Variants in TG observed in about 807,000 individuals in gnomAD.
The protein encoded by TG is thyroglobulin.
A neutral mutation model predicts 324.7 loss-of-function variants in TG; 270 were observed. The observed-to-expected ratio is 0.83, with a 90% CI of 0.75 to 0.92. The LOEUF is 0.92. Among genes scored for constraint, TG ranks in the 40% least tolerant of loss-of-function variants. TG has a pLI of 0.00. For missense variants in TG, 3,591 were observed against 3,456.4 expected, an observed-to-expected ratio of 1.04 and a Z score of -0.98; for synonymous variants, 1,401 against 1,327.0, an observed-to-expected ratio of 1.06 and a Z score of -1.21.
intron 13 of TG, 87 bp downstream of exon 13, chr8:132,898,333 A>G: frequency 7.8e-7 from 1 of 1,287,044 alleles, no homozygotes; most frequent in Non-Finnish European, 1.1e-6. Flanking sequence ...ACCGCTGGAG[A>G]CTCCATGGCC....
intron 43 of TG, chr8:133,102,433 A>G: frequency 1.1e-6 from 1 of 873,194 alleles, no homozygotes; most frequent in South Asian, 1.5e-5. Flanking sequence ...TCTTCAGACC[A>G]AAGACGGAGG....
At chr8:132,989,737 C>A (rs920966859) in intron 35 of TG, among the ~76,000 whole-genome samples, 1 of 152,168 alleles carries the variant, frequency 6.6e-6, no homozygotes, top group Non-Finnish European at 1.5e-5. Flanking sequence ...ATCTTTTCTG[C>A]AAATGTTTTT....
intron 35 of TG, chr8:132,995,089 G>A (rs2130792107): frequency 1.0e-6 from 1 of 967,406 alleles, no homozygotes; most frequent in Non-Finnish European, 1.2e-6. Context: ...CCAGGCAAAA[G>A]CAGAAGCTGG....
chr8:133,091,891 A>G (rs187567725), intron 41 of TG, among the ~76,000 whole-genome samples: 15 of 151,326 alleles, frequency 9.9e-5, no homozygotes, highest in Admixed American at 8.5e-4. Flanking sequence ...GTGTGTCTCT[A>G]TCTATGACTG....
intron 35 of TG, among the ~76,000 whole-genome samples, chr8:133,001,020 C>T (rs1011666727): frequency 1.3e-5 from 2 of 152,154 alleles, no homozygotes; most frequent in Non-Finnish European, 2.9e-5. Context: ...AGATGGCACC[C>T]TCTCCTTGCA....
intron 22 of TG, among the ~76,000 whole-genome samples, chr8:132,928,382 G>C (rs2132520189): frequency 6.6e-6 from 1 of 152,296 alleles, no homozygotes. Context: ...GGAATTTGTG[G>C]CTTGGAAGGT....
chr8:132,968,007 C>T (rs1452203615), intron 31 of TG, 37 bp downstream of exon 31: 3 of 1,606,932 alleles, frequency 1.9e-6, no homozygotes, highest in Non-Finnish European at 2.5e-6. Context: ...ACTGTATTTC[C>T]AATGTTCTGC....
At position 133,050,044 on chromosome 8, in the gene TG, G is replaced by A; in HGVS notation, c.7239+20021G>A. 2 of 1,118,668 alleles carry A rather than the reference G, an allele frequency of 1.8e-6. 1 individual carries two copies. The highest frequency in any genetic ancestry group is 2.5e-5 in the South Asian group (2 of 81,114). 69.3% of individuals were successfully genotyped at this position (1,118,668 alleles called of 1,614,324 possible). A position where few individuals can be genotyped will look rare whatever the true frequency, so the allele number is the denominator to read the frequency against. ...AGATAGGTAAATAGCAAAACCAAAG[G>A]ATGAATGAACAGAGTAATCAGATTT... is the stretch of plus-strand genomic sequence containing the variant. On this transcript the variant is annotated intron_variant, in intron 41 of 47. Coordinates refer to ENST00000220616, the MANE Select transcript of TG (RefSeq NM_003235.5).
chr8:132,958,825 G>A (rs79120984), intron 27 of TG, among the ~76,000 whole-genome samples: 3,715 of 152,182 alleles, frequency 0.024, 156 homozygotes, highest in African/African-American at 0.085. Flanking sequence ...GAGTGAAAAC[G>A]GAACACAAAC....
intron 38 of TG, among the ~76,000 whole-genome samples, chr8:133,019,182 T>C (rs1277441291): frequency 2.0e-5 from 3 of 152,188 alleles, no homozygotes; most frequent in Non-Finnish European, 4.4e-5. Context: ...TCAGCTCTCA[T>C]ACTGGGAGTT....
chr8:132,867,607 T>C (rs1242432832), intron 1 of TG, among the ~76,000 whole-genome samples: 5 of 151,884 alleles, frequency 3.3e-5, no homozygotes, highest in African/African-American at 4.8e-5. Context: ...TAGGACCCTA[T>C]GTGTTACAAG....
intron 45 of TG, among the ~76,000 whole-genome samples, chr8:133,120,476 T>C (rs915787068): frequency 5.9e-5 from 9 of 152,154 alleles, no homozygotes; most frequent in Non-Finnish European, 1.3e-4. Flanking sequence ...GCCACAAGGA[T>C]GAATTCAAAT....
intron 21 of TG, 61 bp from the exon 22 acceptor site, chr8:132,923,277 G>T (rs1745831606): frequency 6.3e-7 from 1 of 1,583,714 alleles, no homozygotes; most frequent in African/African-American, 1.3e-5. Flanking sequence ...GAGCCTGGGA[G>T]TAGGAGTCAG....
At chr8:133,112,690 C>A (rs1046788740) in intron 43 of TG, among the ~76,000 whole-genome samples, 2 of 152,098 alleles carry the variant, frequency 1.3e-5, no homozygotes, top group African/African-American at 4.8e-5. Flanking sequence ...CACACATCCC[C>A]CAGAGAACTG....
chr8:132,931,183 G>A (rs545621191), intron 23 of TG, among the ~76,000 whole-genome samples: 1 of 152,328 alleles, frequency 6.6e-6, no homozygotes, highest in East Asian at 1.9e-4. Context: ...TCTTCCCTAT[G>A]TATGTGTCTG....
chr8:132,992,863 G>A (rs1037902751), intron 35 of TG, among the ~76,000 whole-genome samples: 5 of 152,154 alleles, frequency 3.3e-5, no homozygotes, highest in Non-Finnish European at 4.4e-5. Context: ...GGGAACCATC[G>A]CTATGAATTG....
At chr8:132,994,698 T>A in intron 35 of TG, 2 of 1,288,618 alleles carry the variant, frequency 1.6e-6, no homozygotes, top group Non-Finnish European at 2.0e-6. Flanking sequence ...TACAGAAGCA[T>A]CTACCTCTTC....
chr8:132,934,292 G>A (rs957840928), intron 24 of TG, among the ~76,000 whole-genome samples: 5 of 152,030 alleles, frequency 3.3e-5, no homozygotes, highest in Non-Finnish European at 5.9e-5. Flanking sequence ...CTGAGATCAC[G>A]CCACTGCACT....
At chr8:132,957,687 T>A (rs902586635) in intron 27 of TG, among the ~76,000 whole-genome samples, 1 of 150,576 alleles carries the variant, frequency 6.6e-6, no homozygotes, top group Admixed American at 6.6e-5. Context: ...GTGACTGAAT[T>A]TGTATTTGTA....
Sources: allele counts gnomAD v4.1 joint callset (sites outside exome capture counted in the v4.1 genomes callset), GRCh38; gene constraint gnomAD v4.1.1; transcripts MANE v1.5; gene names NCBI Gene and HGNC (gene_info 2026-07-23, HGNC 2026-07-21).